Variants in SAFB observed in about 807,000 individuals in gnomAD.
SAFB encodes scaffold attachment factor B.
SAFB carries 15 observed loss-of-function variants against 101.6 expected under a neutral mutation model. The ratio of observed to expected loss-of-function variants is 0.15; its 90% CI spans 0.10 to 0.23. The LOEUF is 0.23. Ranked by LOEUF, SAFB falls within the 10% of genes least tolerant of loss-of-function variation. The probability of loss-of-function intolerance (pLI) is 1.00; values close to 1 mark genes in which losing one functional copy is unlikely to be tolerated. For missense variants in SAFB, 930 were observed against 1,104.1 expected (o/e 0.84, Z 2.23); for synonymous variants, 449 against 407.5 (o/e 1.10, Z -1.23).
chr19:5,650,834 G>T, intron 8 of SAFB, 144 bp from the exon 9 acceptor site: 1 of 595,904 alleles, frequency 1.7e-6, no homozygotes, highest in Non-Finnish European at 3.0e-6. Context: ...TGAGGATAGT[G>T]GTCAGGCCCA....
At chr19:5,641,377 A>G (rs1049291299) in intron 2 of SAFB, among the ~76,000 whole-genome samples, 2 of 151,766 alleles carry the variant, frequency 1.3e-5, no homozygotes, top group Admixed American at 6.6e-5. Flanking sequence ...CTGCACTTCT[A>G]CTTCCACAGC....
chr19:5,647,323 T>TGGCTGAA (rs1284136271), intron 5 of SAFB, among the ~76,000 whole-genome samples: 7 of 152,158 alleles, frequency 4.6e-5, no homozygotes, highest in African/African-American at 1.4e-4. Context: ...AGGGATCCAT[T>TGGCTGAA]GGCTGAAGGC....
chr19:5,642,189 T>C, intron 4 of SAFB: 1 of 549,926 alleles, frequency 1.8e-6, no homozygotes, highest in South Asian at 1.7e-5. Flanking sequence ...AGGACAACCA[T>C]TCAGACTCTT....
chr19:5,641,588 C>T lies in SAFB; in HGVS notation c.275-6C>T, dbSNP rs753678822. 3.7e-6 allele frequency: 6 copies of T among 1,613,310 alleles called. No individual in the cohort carries two copies. The highest frequency in any genetic ancestry group is 2.2e-5 in the East Asian group (1 of 44,856). ...GATCTCATGCTGTAAATGATTCTGT[C>T]TTCAGGGCGCAAACCAGAAGAAGAG... On this transcript the variant is annotated splice_region_variant and splice_polypyrimidine_tract_variant and intron_variant, in intron 2 of 20. Transcript: ENST00000588852.
intron 1 of SAFB, among the ~76,000 whole-genome samples, chr19:5,624,442 C>G (rs974376242): frequency 3.9e-5 from 6 of 152,008 alleles, no homozygotes; most frequent in East Asian, 3.9e-4. Context: ...TCAAAGGGAT[C>G]CCTAGGAAAA....
rs1438641111 is a variant in SAFB, at chr19:5,653,132, T to C, written c.1311T>C (p.Val437=). 6.2e-6 allele frequency: 10 copies of C among 1,613,886 alleles called. No individual in the cohort carries two copies. In the South Asian group the frequency reaches 8.8e-5, roughly 14 times the overall value. Reference sequence around the variant, plus strand: ...CCTTTGAGGTGGTGGGCGCCAAGGTTGTGACAAATGCCCGGAGTCCTGGAG... The same window carrying C: ...CCTTTGAGGTGGTGGGCGCCAAGGTCGTGACAAATGCCCGGAGTCCTGGAG... The part of the protein sequence containing the change: ...SKYGKVVGAK[V]VTNARSPGAR... Residue 437 remains valine (V), a synonymous_variant, in exon 10 of 21, where the codon GTT becomes GTC. Coordinates refer to ENST00000588852, the MANE Select transcript of SAFB (RefSeq NM_001201338.2).
In SAFB at chr19:5,653,329, C is replaced by G; in HGVS notation, c.1444-9C>G. The G allele has an allele frequency of 1.9e-6, 3 of 1,614,074 alleles. No homozygotes were observed. The highest frequency in any genetic ancestry group is 2.2e-5 in the East Asian group (1 of 44,882). ...GGAAATGGGGGTAATACTTGATTCT[C>G]TTTTTCAGGCCAAAAATGAACCTGT... On this transcript the variant is annotated splice_polypyrimidine_tract_variant and intron_variant, in intron 10 of 20. Coordinates refer to ENST00000588852, the MANE Select transcript of SAFB (RefSeq NM_001201338.2).
chr19:5,626,898 G>A (rs2053376416), intron 2 of SAFB, among the ~76,000 whole-genome samples: 1 of 151,964 alleles, frequency 6.6e-6, no homozygotes, highest in Non-Finnish European at 1.5e-5. Context: ...ACTTTTAAAG[G>A]CCCGGTGTGG....
In SAFB at chr19:5,649,371, G is replaced by GGAA; in HGVS notation, c.1022_1024dup (p.Glu341dup). On this transcript the variant is annotated inframe_insertion, in exon 7 of 21. Transcript: ENST00000588852. ...GCGAGGAGCTCGCAGAAGCACCCAC[G>GGAA]GAAGCCCCAAGCCCAGAAGCCAGAG... 2.4e-6 allele frequency: 1 copy of GGAA among 414,694 alleles called. No individual in the cohort carries two copies. The highest frequency in any genetic ancestry group is 3.9e-6 in the Non-Finnish European group (1 of 255,502). 25.7% of individuals were successfully genotyped at this position (414,694 alleles called of 1,614,324 possible).
At chr19:5,661,067 G>A (rs1599381069) in intron 14 of SAFB, among the ~76,000 whole-genome samples, 1 of 149,960 alleles carries the variant, frequency 6.7e-6, no homozygotes, top group East Asian at 2.0e-4. Flanking sequence ...ACAGGTGCGT[G>A]CGTGCCACCA....
intron 2 of SAFB, among the ~76,000 whole-genome samples, chr19:5,633,656 G>A (rs553534513): frequency 2.4e-4 from 36 of 152,264 alleles, no homozygotes; most frequent in African/African-American, 8.4e-4. Flanking sequence ...GCGGGCGCCT[G>A]TAGTCCCAGC....
At chr19:5,627,955 A>G (rs941830382) in intron 2 of SAFB, among the ~76,000 whole-genome samples, 4 of 152,318 alleles carry the variant, frequency 2.6e-5, no homozygotes, top group African/African-American at 9.6e-5. Flanking sequence ...TTGGCTTAAG[A>G]AAGAATCAGC....
At position 5,642,144 on chromosome 19, in the gene SAFB, C is replaced by G. The variant is rs773651179; in HGVS notation, c.546+198C>G. 1.4e-5 allele frequency: 9 copies of G among 657,972 alleles called. No homozygotes were observed. In the African/African-American group the frequency reaches 1.6e-4, roughly 12 times the overall value. The allele number at this position is 657,972 out of a possible 1,614,324, so 40.8% of individuals were successfully genotyped here. A position where few individuals can be genotyped will look rare whatever the true frequency, so the allele number is the denominator to read the frequency against. Reference sequence around the variant, plus strand: ...TCTTATAACATTTCATATGTACTTGCTATCCATTTGCGGCATACAGTATGA... The same window carrying G: ...TCTTATAACATTTCATATGTACTTGGTATCCATTTGCGGCATACAGTATGA... On this transcript the variant is annotated intron_variant, in intron 4 of 20. Coordinates refer to ENST00000588852, the MANE Select transcript of SAFB (RefSeq NM_001201338.2).
At chr19:5,659,234 G>A (rs925500866) in intron 14 of SAFB, among the ~76,000 whole-genome samples, 3 of 151,958 alleles carry the variant, frequency 2.0e-5, no homozygotes, top group African/African-American at 4.8e-5. Flanking sequence ...GAACCCAGGG[G>A]GTGGAGGTTG....
chr19:5,653,175 G>A lies in SAFB; in HGVS notation c.1354G>A (p.Val452Ile), dbSNP rs2053977548. Residue 452 changes from valine (V) to isoleucine (I), a missense_variant, in exon 10 of 21, where the codon GTC (valine) becomes ATC (isoleucine). Physicochemically the swap from Val to Ile is conservative, Grantham distance 29. Coordinates refer to ENST00000588852, the MANE Select transcript of SAFB (RefSeq NM_001201338.2). ...TCCTGGAGCTCGCTGTTACGGTTTT[G>A]TCACGATGTCCACAGCAGAAGAGGC... ...RSPGARCYGF[V>I]TMSTAEEATK... is the part of the protein sequence containing the mutation. The A allele has an allele frequency of 6.2e-7, 1 of 1,614,002 alleles. No individual in the cohort carries two copies. The highest frequency in any genetic ancestry group is 1.3e-5 in the African/African-American group (1 of 74,894).
In SAFB at chr19:5,653,393, A is replaced by T. The variant is rs770742041; in HGVS notation, c.1499A>T (p.Lys500Ile). ...KTSDKRDSDGKKEKSSNSDRS... is the reference protein window; with the variant it reads ...KTSDKRDSDGIKEKSSNSDRS... ...TCTGACAAAAGAGACAGTGACGGGA[A>T]AAAGGAGAAGTCGAGCAACAGTGAC... The change falls in exon 11 of 21, where the codon AAA (lysine) becomes ATA (isoleucine). Residue 500 changes from lysine (K) to isoleucine (I), a missense_variant. By Grantham distance (102) the Lys-to-Ile change is moderately radical. This residue lies in a region of SAFB where 92 missense variants were observed against 83.8 expected (regional missense o/e 1.10). Coordinates refer to ENST00000588852, the MANE Select transcript of SAFB (RefSeq NM_001201338.2). The T allele has an allele frequency of 1.2e-6, 2 of 1,614,068 alleles. No individual in the cohort carries two copies. The highest frequency in any genetic ancestry group is 2.2e-5 in the East Asian group (1 of 44,902).
intron 15 of SAFB, among the ~76,000 whole-genome samples, chr19:5,662,640 T>G (rs890744607): frequency 6.7e-6 from 1 of 149,448 alleles, no homozygotes; most frequent in Admixed American, 6.6e-5. Context: ...TTAAGGCCCT[T>G]TCCTTTTTTT....
At position 5,623,144 on chromosome 19, in the gene SAFB, A is replaced by G. The variant is rs566426266; in HGVS notation, c.-62A>G. 50 of 1,499,218 alleles carry G rather than the reference A, an allele frequency of 3.3e-5. 1 individual carries two copies. In the South Asian group the frequency reaches 6.0e-4, roughly 18 times the overall value. The allele number at this position is 1,499,218 out of a possible 1,614,324, so 92.9% of individuals were successfully genotyped here. ...CTCGCAGGCGGCGCCATTTTGTGCT[A>G]GGAGCCTGATAAAACCGGCCCGGTT... On this transcript the variant is annotated 5_prime_UTR_variant, in exon 1 of 21. Coordinates refer to ENST00000588852, the MANE Select transcript of SAFB (RefSeq NM_001201338.2).
At chr19:5,664,311 A>T (rs1476392717) in intron 16 of SAFB, 86 bp from the exon 17 acceptor site, 2 of 1,454,978 alleles carry the variant, frequency 1.4e-6, no homozygotes, top group Non-Finnish European at 1.9e-6. Context: ...TAGGGAAATT[A>T]TGCTTTTCAT....
Sources: allele counts gnomAD v4.1 joint callset (sites outside exome capture counted in the v4.1 genomes callset), GRCh38; gene constraint gnomAD v4.1.1; regional missense constraint gnomAD v4.1.1; transcripts MANE v1.5; gene names NCBI Gene and HGNC (gene_info 2026-07-23, HGNC 2026-07-21).